THSD7B: variants seen among roughly 807,000 people sequenced by gnomAD.
THSD7B encodes the protein thrombospondin type 1 domain containing 7B.
Under a neutral mutation model 213.6 loss-of-function variants are expected in THSD7B, and 138 were observed. The observed-to-expected ratio is 0.65, with a 90% confidence interval of 0.56 to 0.74. The LOEUF is 0.74. Ranked by LOEUF, THSD7B falls within the 30% of genes least tolerant of loss-of-function variation. The probability of loss-of-function intolerance (pLI) is 0.00; values close to 1 mark genes in which losing one functional copy is unlikely to be tolerated. For synonymous variants in THSD7B, 742 were observed against 687.0 expected (o/e 1.08, Z -1.25); for missense variants, 1,931 against 1,991.5 (o/e 0.97, Z 0.58).
At chr2:137,428,762 G>A (rs1687112912) in intron 14 of THSD7B, among the ~76,000 whole-genome samples, 1 of 152,158 alleles carries the variant, frequency 6.6e-6, no homozygotes, top group African/African-American at 2.4e-5. Flanking sequence ...TGGTCTGAAT[G>A]TGTATGTCCT....
intron 2 of THSD7B, among the ~76,000 whole-genome samples, chr2:137,010,207 C>G (rs941745975): frequency 9.9e-5 from 15 of 152,098 alleles, no homozygotes; most frequent in Non-Finnish European, 1.5e-4. Flanking sequence ...GTGCAGAAAC[C>G]CTCACAGTCA....
At chr2:136,794,549 C>A (rs1235948485) in intron 1 of THSD7B, among the ~76,000 whole-genome samples, 1 of 151,808 alleles carries the variant, frequency 6.6e-6, no homozygotes, top group Non-Finnish European at 1.5e-5. Flanking sequence ...CCGCTGGGGG[C>A]AGAGTGCATA....
intron 1 of THSD7B, among the ~76,000 whole-genome samples, chr2:136,865,839 C>G (rs1683322869): frequency 1.3e-5 from 2 of 152,118 alleles, no homozygotes. Flanking sequence ...TAAGTAGTGG[C>G]AAAGATGTGT....
At chr2:137,503,119 A>G (rs887097014) in intron 15 of THSD7B, among the ~76,000 whole-genome samples, 1 of 152,214 alleles carries the variant, frequency 6.6e-6, no homozygotes, top group Non-Finnish European at 1.5e-5. Context: ...ACTATATATT[A>G]TAATCTGTAA....
intron 12 of THSD7B, among the ~76,000 whole-genome samples, chr2:137,382,864 T>C (rs1019017257): frequency 6.6e-6 from 1 of 152,116 alleles, no homozygotes; most frequent in African/African-American, 2.4e-5. Flanking sequence ...CCATTCCCAA[T>C]GGGACATGGT....
At chr2:137,638,721 CT>C (rs1453059572) in intron 20 of THSD7B, among the ~76,000 whole-genome samples, 1 of 152,114 alleles carries the variant, frequency 6.6e-6, no homozygotes, top group African/African-American at 2.4e-5. Flanking sequence ...AAAGTTCGGG[CT>C]GAGGTGGTCT....
At chr2:137,526,245 A>T (rs1024487028) in intron 15 of THSD7B, among the ~76,000 whole-genome samples, 2 of 152,168 alleles carry the variant, frequency 1.3e-5, no homozygotes, top group African/African-American at 4.8e-5. Context: ...ACTTTTTGAA[A>T]AGTAAAATAT....
chr2:137,414,499 G>A (rs1330467458), intron 14 of THSD7B, among the ~76,000 whole-genome samples: 4 of 150,370 alleles, frequency 2.7e-5, no homozygotes, highest in East Asian at 2.0e-4. Context: ...TGGGAGGATC[G>A]CTTGAGCCCA....
intron 1 of THSD7B, among the ~76,000 whole-genome samples, chr2:136,837,713 T>G (rs1011862447): frequency 6.6e-6 from 1 of 152,246 alleles, no homozygotes; most frequent in Non-Finnish European, 1.5e-5. Flanking sequence ...AATATGGTGA[T>G]GAATGAATGA....
chr2:137,066,337 A>T (rs1237913510), intron 3 of THSD7B, among the ~76,000 whole-genome samples: 2 of 151,756 alleles, frequency 1.3e-5, no homozygotes, highest in African/African-American at 4.8e-5. Context: ...GACTATAGTC[A>T]TGTGCCACCA....
intron 15 of THSD7B, among the ~76,000 whole-genome samples, chr2:137,516,248 A>G (rs1431189897): frequency 6.6e-6 from 1 of 152,234 alleles, no homozygotes; most frequent in East Asian, 1.9e-4. Flanking sequence ...CTTAATTTAT[A>G]TAAGCAGAAA....
At chr2:137,429,312 T>C (rs897189963) in intron 14 of THSD7B, among the ~76,000 whole-genome samples, 4 of 152,200 alleles carry the variant, frequency 2.6e-5, no homozygotes, top group Non-Finnish European at 5.9e-5. Context: ...ATATGTGAAT[T>C]ATATCTCAGT....
intron 3 of THSD7B, among the ~76,000 whole-genome samples, chr2:137,065,545 G>A (rs927081752): frequency 1.3e-5 from 2 of 151,992 alleles, no homozygotes; most frequent in African/African-American, 4.8e-5. Context: ...AATAGCAGTG[G>A]TGGCAGTGGG....
At chr2:137,653,253 C>T (rs577229225) in intron 21 of THSD7B, among the ~76,000 whole-genome samples, 1 of 152,108 alleles carries the variant, frequency 6.6e-6, no homozygotes, top group East Asian at 1.9e-4. Context: ...TGTCCCACTC[C>T]CTTCTACCCT....
At chr2:137,474,840 A>T (rs114737031) in intron 15 of THSD7B, among the ~76,000 whole-genome samples, 283 of 152,334 alleles carry the variant, frequency 1.9e-3, no homozygotes, top group African/African-American at 6.7e-3. Context: ...CACAAAAGCC[A>T]CATACCACAA....
At chr2:137,423,012 C>A (rs1160544967) in intron 14 of THSD7B, among the ~76,000 whole-genome samples, 3 of 152,202 alleles carry the variant, frequency 2.0e-5, no homozygotes, top group South Asian at 4.1e-4. Context: ...CCACGTACAA[C>A]TTTCTTCGTA....
At chr2:136,784,491 G>A (rs1425942100) in intron 1 of THSD7B, among the ~76,000 whole-genome samples, 1 of 151,754 alleles carries the variant, frequency 6.6e-6, no homozygotes, top group African/African-American at 2.4e-5. Flanking sequence ...TTTTGTTTTT[G>A]TAAAATATGT....
intron 21 of THSD7B, among the ~76,000 whole-genome samples, chr2:137,646,650 TTAA>T (rs147054450): frequency 1.6e-3 from 205 of 130,170 alleles, no homozygotes; most frequent in Middle Eastern, 0.011. Context: ...ACACTCCATC[TTAA>T]TAATAATAAT....
intron 14 of THSD7B, among the ~76,000 whole-genome samples, chr2:137,419,228 G>T (rs1248182132): frequency 6.6e-6 from 1 of 151,308 alleles, no homozygotes; most frequent in Non-Finnish European, 1.5e-5. Context: ...TTTGATGCAG[G>T]ATTTTTCTTG....
Sources: gnomAD v4.1 joint callset for allele counts (sites outside exome capture counted in the v4.1 genomes callset) on GRCh38, gnomAD v4.1.1 for gene constraint, MANE v1.5 for transcripts, NCBI Gene and HGNC (gene_info 2026-07-23, HGNC 2026-07-21) for gene names.